The following CXCR6 variants were observed in gnomAD, a reference collection of about 807,000 sequenced individuals.
The protein encoded by CXCR6 is C-X-C chemokine receptor type 6.
A neutral mutation model predicts 1.6 loss-of-function variants in CXCR6; 3 were observed. That is an observed-to-expected ratio of 1.83 (90% confidence interval 0.83 to 4.72). CXCR6 has a LOEUF of 4.72. Among genes scored for constraint, CXCR6 ranks in the 30% most tolerant of loss-of-function variants. CXCR6 has a pLI of 0.02. For synonymous variants in CXCR6, 171 were observed against 159.2 expected (o/e 1.07, Z -0.56); for missense variants, 326 against 414.8 (o/e 0.79, Z 1.86).
At chr3:45,944,158 C>T (rs1704429920) in intron 1 of CXCR6, among the ~76,000 whole-genome samples, 1 of 151,464 alleles carries the variant, frequency 6.6e-6, no homozygotes, top group South Asian at 2.1e-4. Flanking sequence ...TCATGGACTC[C>T]CAGAATTGTA....
chr3:45,944,151 T>C (rs968145975), intron 1 of CXCR6, among the ~76,000 whole-genome samples: 7 of 152,026 alleles, frequency 4.6e-5, no homozygotes, highest in African/African-American at 1.7e-4. Flanking sequence ...AAGGGGTTCA[T>C]GGACTCCCAG....
chr3:45,944,196 C>CTG (rs10562426), intron 1 of CXCR6, among the ~76,000 whole-genome samples: 2,426 of 150,022 alleles, frequency 0.016, 25 homozygotes, highest in South Asian at 0.048. Flanking sequence ...GCGTGTGTGT[C>CTG]TGTGTGTGTG....
chr3:45,946,280 C>T (rs1276586156), intron 1 of CXCR6, 181 bp from the exon 2 acceptor site: 1 of 562,816 alleles, frequency 1.8e-6, no homozygotes, highest in African/African-American at 1.9e-5. Context: ...CTCATCCTGT[C>T]TGAGCAATTT....
At position 45,946,680 on chromosome 3, in the gene CXCR6, G is replaced by A. The variant is rs267599840; in HGVS notation, c.199G>A (p.Asp67Asn). The change falls in exon 2 of 2, where the codon GAT becomes AAT. Residue 67 changes from aspartate (D) to asparagine (N), a missense_variant. Transcript: ENST00000304552. ...IFYHKLQSLT[D>N]VFLVNLPLAD... is the part of the protein sequence containing the mutation. ...CTACCATAAGTTGCAGAGCCTGACG[G>A]ATGTGTTCCTGGTGAACCTACCCCT... 6.2e-7 allele frequency: 1 copy of A among 1,614,220 alleles called. No individual in the cohort carries two copies. The highest frequency in any genetic ancestry group is 8.5e-7 in the Non-Finnish European group (1 of 1,180,044).
chr3:45,946,809 A>G lies in CXCR6; in HGVS notation c.328A>G (p.Thr110Ala), dbSNP rs1704641757. 1 of 1,614,062 alleles carries G rather than the reference A, an allele frequency of 6.2e-7. No individual in the cohort carries two copies. The highest frequency in any genetic ancestry group is 1.3e-5 in the African/African-American group (1 of 74,910). ...VMCKSLLGIY[T>A]INFYTSMLIL... ...GTGCAAGAGCCTACTGGGCATCTAC[A>G]CTATTAACTTCTACACGTCCATGCT... The change falls in exon 2 of 2, where the codon ACT becomes GCT. Residue 110 changes from threonine to alanine, a missense_variant. By Grantham distance (58) the Thr-to-Ala change is moderately conservative. Coordinates refer to ENST00000304552, the MANE Select transcript of CXCR6 (RefSeq NM_006564.2).
Position 45,947,319 on chromosome 3 carries a change from A to C in CXCR6, c.838A>C (p.Arg280=), listed in dbSNP as rs763494903. 5 of 1,614,208 alleles carry C rather than the reference A, an allele frequency of 3.1e-6. No individual in the cohort carries two copies. The highest frequency in any genetic ancestry group is 4.2e-6 in the Non-Finnish European group (5 of 1,180,042). Residue 280 remains arginine (R), a synonymous_variant, in exon 2 of 2, where the codon AGG becomes CGG. Coordinates refer to ENST00000304552, the MANE Select transcript of CXCR6 (RefSeq NM_006564.2). ...GGTGACAGAGGCCATCGCATACCTGAGGGCCTGCCTTAACCCTGTGCTCTA... is the reference window on the plus strand; with the variant it reads ...GGTGACAGAGGCCATCGCATACCTGCGGGCCTGCCTTAACCCTGTGCTCTA... The part of the protein sequence containing the change: ...IMVTEAIAYL[R]ACLNPVLYAF...
rs2125824424 is a variant in CXCR6, at chr3:45,947,654, T to A, written c.*144T>A. 1 of 669,986 alleles carries A rather than the reference T, an allele frequency of 1.5e-6. No individual in the cohort carries two copies. The highest frequency in any genetic ancestry group is 2.6e-6 in the Non-Finnish European group (1 of 383,022). 41.5% of individuals were successfully genotyped at this position (669,986 alleles called of 1,614,324 possible). A position where few individuals can be genotyped will look rare whatever the true frequency, so the allele number is the denominator to read the frequency against. On this transcript the variant is annotated 3_prime_UTR_variant, in exon 2 of 2. Transcript: ENST00000304552. Reference sequence around the variant, plus strand: ...ACTCTGGCTGGTTTGGAATGCTTCTTCTCAGGCATGAACATGTACTGTTCT... The same window carrying A: ...ACTCTGGCTGGTTTGGAATGCTTCTACTCAGGCATGAACATGTACTGTTCT...
At chr3:45,941,971 G>C (rs966208532), upstream of CXCR6, among the ~76,000 whole-genome samples, 1 of 152,234 alleles carries the variant, frequency 6.6e-6, no homozygotes, top group African/African-American at 2.4e-5. Flanking sequence ...GGCTCAGTCT[G>C]TTCCTTTATT....
At chr3:45,944,317 C>T (rs903723430) in intron 1 of CXCR6, among the ~76,000 whole-genome samples, 1 of 152,008 alleles carries the variant, frequency 6.6e-6, no homozygotes, top group Non-Finnish European at 1.5e-5. Flanking sequence ...ATTTTATATC[C>T]TTTTGACATC....
In CXCR6 at chr3:45,947,925, T is replaced by C. The variant is rs1704741324; in HGVS notation, c.*415T>C. 4.7e-6 allele frequency: 1 copy of C among 211,506 alleles called. No individual in the cohort carries two copies. Among genetic ancestry groups the C allele is most frequent in the South Asian group, 1.1e-4 (1 of 9,432 alleles). The allele number at this position is 211,506 out of a possible 1,614,324, so 13.1% of individuals were successfully genotyped here. A position where few individuals can be genotyped will look rare whatever the true frequency, so the allele number is the denominator to read the frequency against. On this transcript the variant is annotated 3_prime_UTR_variant, in exon 2 of 2. Transcript: ENST00000304552. ...GCTCTTCTGACTACTGGGCAAAGAG[T>C]GTAGATCAGAGCAGCAGTGAAAACA...
upstream of CXCR6, among the ~76,000 whole-genome samples, chr3:45,941,612 T>C (rs1340562409): frequency 1.3e-5 from 2 of 152,260 alleles, no homozygotes. Context: ...AAGTCTTTTG[T>C]ACTATAGAGA....
At chr3:45,944,106 T>C (rs6802841) in intron 1 of CXCR6, among the ~76,000 whole-genome samples, 3,427 of 152,244 alleles carry the variant, frequency 0.023, 134 homozygotes, top group African/African-American at 0.076. Context: ...TGAACTCTTA[T>C]GTGAGGGCCC....
chr3:45,942,405 G>C (rs115192433), upstream of CXCR6, among the ~76,000 whole-genome samples: 3 of 152,216 alleles, frequency 2.0e-5, no homozygotes, highest in Non-Finnish European at 4.4e-5. Flanking sequence ...CCTGGTCCCT[G>C]CTCCCAATGC....
Position 45,947,565 on chromosome 3 carries a change from C to T in CXCR6, c.*55C>T, listed in dbSNP as rs769969745. 7.3e-7 allele frequency: 1 copy of T among 1,365,648 alleles called. No homozygotes were observed. Among genetic ancestry groups the T allele is most frequent in the Non-Finnish European group, 1.0e-6 (1 of 967,690 alleles). The allele number at this position is 1,365,648 out of a possible 1,614,324, so 84.6% of individuals were successfully genotyped here. A position where few individuals can be genotyped will look rare whatever the true frequency, so the allele number is the denominator to read the frequency against. Reference sequence around the variant, plus strand: ...GGAATTTGCAAGTCATGGCTGTGCCCTCTTGATGTGGTGAGGCAGGCTTTG... The same window carrying T: ...GGAATTTGCAAGTCATGGCTGTGCCTTCTTGATGTGGTGAGGCAGGCTTTG... On this transcript the variant is annotated 3_prime_UTR_variant, in exon 2 of 2. Coordinates refer to ENST00000304552, the MANE Select transcript of CXCR6 (RefSeq NM_006564.2).
chr3:45,945,832 T>C (rs1704558011), intron 1 of CXCR6: 1 of 152,258 alleles, frequency 6.6e-6, no homozygotes, highest in Non-Finnish European at 1.5e-5. Flanking sequence ...TGTTTCCCCA[T>C]TAGTAGCCTT....
chr3:45,947,193 G>A lies in CXCR6; in HGVS notation c.712G>A (p.Ala238Thr). The A allele has an allele frequency of 6.2e-7, 1 of 1,614,130 alleles. No individual in the cohort carries two copies. The highest frequency in any genetic ancestry group is 8.5e-7 in the Non-Finnish European group (1 of 1,180,020). The change falls in exon 2 of 2, where the codon GCT (alanine) becomes ACT (threonine). Residue 238 changes from alanine (A) to threonine (T), a missense_variant. Coordinates refer to ENST00000304552, the MANE Select transcript of CXCR6 (RefSeq NM_006564.2). ...RSLKIIFLVM[A>T]VFLLTQMPFN... ...TCTAAAGATCATCTTCCTGGTGATG[G>A]CTGTGTTCCTGCTGACCCAGATGCC...
rs766272819 is a variant in CXCR6, at chr3:45,947,478, A to C, written c.997A>C (p.Asn333His). ...TTCCAAGACTTTTTCTGCCTCCCAC[A>C]ATGTGGAGGCCACCAGCATGTTCCA... ...DNSKTFSASH[N>H]VEATSMFQL Residue 333 changes from asparagine to histidine, a missense_variant, in exon 2 of 2, where the codon AAT becomes CAT. Transcript: ENST00000304552. 1.2e-6 allele frequency: 2 copies of C among 1,613,846 alleles called. No individual in the cohort carries two copies. Among genetic ancestry groups the C allele is most frequent in the Non-Finnish European group, 1.7e-6 (2 of 1,179,752 alleles).
Position 45,946,606 on chromosome 3 carries a change from TTGTC to T in CXCR6, c.129_132del (p.Cys44ValfsTer21). 1 of 1,614,198 alleles carries T rather than the reference TTGTC, an allele frequency of 6.2e-7. No individual in the cohort carries two copies. The highest frequency in any genetic ancestry group is 8.5e-7 in the Non-Finnish European group (1 of 1,180,032). On this transcript the variant is annotated frameshift_variant, in exon 2 of 2. Transcript: ENST00000304552. LOFTEE classifies it low-confidence loss of function (END_TRUNC). The stretch of plus-strand genomic sequence containing the variant: ...CTGCCCTGCATGTACCTGGTGGTGT[TTGTC>T]TGTGGTCTGGTGGGGAACTCTCTGG...
At chr3:45,945,671 C>T (rs1191739454) in intron 1 of CXCR6, 1 of 152,166 alleles carries the variant, frequency 6.6e-6, no homozygotes, top group African/African-American at 2.4e-5. Context: ...CAGAAGTCTT[C>T]AGGAAATGAG....
Sources: allele counts gnomAD v4.1 joint callset (sites outside exome capture counted in the v4.1 genomes callset), GRCh38; gene constraint gnomAD v4.1.1; transcripts MANE v1.5; gene names NCBI Gene and HGNC (gene_info 2026-07-23, HGNC 2026-07-21).